STOX2: variants seen among roughly 807,000 people sequenced by gnomAD.
STOX2 encodes storkhead-box protein 2.
STOX2 carries 28 observed loss-of-function variants against 60.9 expected under a neutral mutation model. That is an observed-to-expected ratio of 0.46 (90% CI 0.34 to 0.63). The LOEUF (loss-of-function observed/expected upper bound fraction) is 0.63. STOX2 is among the 30% of genes least tolerant of loss of function. STOX2 has a pLI of 0.01. For missense variants in STOX2, 1,024 were observed against 1,187.7 expected (o/e 0.86, Z 2.03); for synonymous variants, 472 against 463.9 (o/e 1.02, Z -0.22).
At chr4:183,912,049 G>A (rs376058179) in intron 1 of STOX2, among the ~76,000 whole-genome samples, 42 of 152,232 alleles carry the variant, frequency 2.8e-4, no homozygotes, top group African/African-American at 9.9e-4. Flanking sequence ...ACATCAGAAG[G>A]CGTGTGCAAC....
chr4:183,906,930 A>C lies in STOX2; in HGVS notation c.140A>C (p.Gln47Pro). 1 of 1,548,678 alleles carries C rather than the reference A, an allele frequency of 6.5e-7. No homozygotes were observed. The highest frequency in any genetic ancestry group is 8.7e-7 in the Non-Finnish European group (1 of 1,145,194). The change falls in exon 1 of 4, where the codon CAG becomes CCG. Residue 47 changes from glutamine to proline, a missense_variant. Physicochemically the swap from Gln to Pro is moderately conservative, Grantham distance 76. Coordinates refer to ENST00000308497, the MANE Select transcript of STOX2 (RefSeq NM_020225.3). The stretch of plus-strand genomic sequence containing the variant: ...CGTTTCCCCGCGGCCTTCGCGCCCC[A>C]GGCTTCGCGGGGCTACATGACATCA... The part of the protein sequence containing the change: ...HKRFPAAFAP[Q>P]ASRGYMTSGD...
chr4:184,004,375 G>A (rs189630621), intron 2 of STOX2, among the ~76,000 whole-genome samples: 123 of 152,256 alleles, frequency 8.1e-4, no homozygotes, highest in African/African-American at 2.6e-3. Flanking sequence ...CGAGGCGGGC[G>A]GATCACGACG....
At chr4:183,961,759 A>G (rs1165528834) in intron 1 of STOX2, among the ~76,000 whole-genome samples, 2 of 152,208 alleles carry the variant, frequency 1.3e-5, no homozygotes, top group African/African-American at 2.4e-5. Flanking sequence ...ATGGCTTTGT[A>G]AAGAAAGACT....
chr4:183,950,685 G>GC (rs11428418), intron 1 of STOX2, among the ~76,000 whole-genome samples: 152,306 of 152,310 alleles, frequency 1, 76,151 homozygotes, highest in Middle Eastern at 1. Flanking sequence ...AGGCCGGGGA[G>GC]CCACAGAACT....
intron 1 of STOX2, among the ~76,000 whole-genome samples, chr4:183,993,261 C>T (rs534951716): frequency 4.6e-5 from 7 of 152,176 alleles, no homozygotes; most frequent in South Asian, 2.1e-4. Flanking sequence ...CGAAAGGTTG[C>T]GGACTGGGAG....
At position 183,906,765 on chromosome 4, in the gene STOX2, C is replaced by A; in HGVS notation, c.-26C>A. The A allele has an allele frequency of 1.3e-6, 2 of 1,499,010 alleles. No individual in the cohort carries two copies. The highest frequency in any genetic ancestry group is 1.8e-6 in the Non-Finnish European group (2 of 1,118,132). The allele number at this position is 1,499,010 out of a possible 1,614,324, so 92.9% of individuals were successfully genotyped here. A position where few individuals can be genotyped will look rare whatever the true frequency, so the allele number is the denominator to read the frequency against. ...GCCCCGGCGCTGAGGCCCCGAGGAT[C>A]GGGGCGGCAGGTCGCCCTCCCCACC... On this transcript the variant is annotated 5_prime_UTR_variant, in exon 1 of 4. Coordinates refer to ENST00000308497, the MANE Select transcript of STOX2 (RefSeq NM_020225.3).
At position 184,019,176 on chromosome 4, in the gene STOX2, T is replaced by G. The variant is rs961866415; in HGVS notation, c.*1892T>G. 2 of 152,234 alleles carry G rather than the reference T, an allele frequency of 1.3e-5. No individual in the cohort carries two copies. Among genetic ancestry groups the G allele is most frequent in the African/African-American group, 4.8e-5 (2 of 41,462 alleles). The allele number at this position is 152,234 out of a possible 1,614,324, so 9.4% of individuals were successfully genotyped here. On this transcript the variant is annotated 3_prime_UTR_variant, in exon 4 of 4. Coordinates refer to ENST00000308497, the MANE Select transcript of STOX2 (RefSeq NM_020225.3). ...GGTGTAAATTCCTTTTTTCTGCTTA[T>G]TATAGTGAAACTTCAGCATGTTTCT... is the stretch of plus-strand genomic sequence containing the variant.
At chr4:183,893,117 T>G (rs1741264474) in intron 1 of STOX2, among the ~76,000 whole-genome samples, 1 of 152,116 alleles carries the variant, frequency 6.6e-6, no homozygotes, top group Admixed American at 6.5e-5. Context: ...TTCTTTTTTT[T>G]TTTTTCCCCT....
chr4:183,867,227 C>T (rs190370185), intron 1 of STOX2, among the ~76,000 whole-genome samples: 34 of 152,324 alleles, frequency 2.2e-4, no homozygotes, highest in Admixed American at 5.2e-4. Context: ...CTCTACATCT[C>T]CATTTGCCGC....
rs1199359030 is a variant in STOX2 at position 183,806,567 on chromosome 4, C to T, written c.364+8512C>T. 6.6e-6 allele frequency among the ~76,000 whole-genome samples: 1 copy of T among 152,204 alleles called. No individual in the cohort carries two copies. Among genetic ancestry groups the T allele is most frequent in the Non-Finnish European group, 1.5e-5 (1 of 68,036 alleles). On this transcript the variant is annotated intron_variant, in intron 1 of 2. Transcript: ENST00000513034. This position sits in a 1 kb window ranked among gnomAD's most constrained non-coding sequence, Gnocchi z 4.1. Reference sequence around the variant, plus strand: ...TGGCTGGAAGGCTGGCTTCCCAGAGCAGTGACCCGCTGTGGCCTGCTTCCT... The same window carrying T: ...TGGCTGGAAGGCTGGCTTCCCAGAGTAGTGACCCGCTGTGGCCTGCTTCCT...
At chr4:183,953,649 T>C (rs1414313578) in intron 1 of STOX2, among the ~76,000 whole-genome samples, 1 of 147,982 alleles carries the variant, frequency 6.8e-6, no homozygotes, top group Non-Finnish European at 1.5e-5. Flanking sequence ...CACTGCAACC[T>C]CCGCCTCCCG....
At chr4:183,916,015 T>G (rs1290800510) in intron 1 of STOX2, among the ~76,000 whole-genome samples, 1 of 152,250 alleles carries the variant, frequency 6.6e-6, no homozygotes, top group Non-Finnish European at 1.5e-5. Flanking sequence ...GTGTAGGTAC[T>G]TTCCTGGCCT....
At chr4:183,992,776 A>G (rs566654247) in intron 1 of STOX2, among the ~76,000 whole-genome samples, 1 of 152,314 alleles carries the variant, frequency 6.6e-6, no homozygotes, top group East Asian at 1.9e-4. Context: ...GTAAGGTAGC[A>G]GGGCCTTGCC....
At chr4:183,932,783 C>T (rs1193094291) in intron 1 of STOX2, among the ~76,000 whole-genome samples, 3 of 152,210 alleles carry the variant, frequency 2.0e-5, no homozygotes, top group Non-Finnish European at 4.4e-5. Context: ...ACCCGACTTC[C>T]TACAACAACG....
rs1350231119 is a variant in STOX2, at chr4:184,011,627, T to C, written c.2585+204T>C. ...TTTCTGCACCTGTAGAGATCACCAA[T>C]CTGGACTGGTGGGTTGGCTCCTCCC... On this transcript the variant is annotated intron_variant, in intron 3 of 3. Coordinates refer to ENST00000308497, the MANE Select transcript of STOX2 (RefSeq NM_020225.3). The surrounding 1 kb of genome is among the most constrained non-coding windows in gnomAD (Gnocchi z 4.4). 6.6e-7 allele frequency: 1 copy of C among 1,517,140 alleles called. No homozygotes were observed. Among genetic ancestry groups the C allele is most frequent in the Non-Finnish European group, 8.8e-7 (1 of 1,136,250 alleles). 94.0% of individuals were successfully genotyped at this position (1,517,140 alleles called of 1,614,324 possible).
chr4:183,806,468 C>G lies in STOX2; in HGVS notation c.364+8413C>G, dbSNP rs1738892324. ...AAGGGGTGGAATCCAGTCTGGGGCGCCCCATCTTCCTGCCGCCTGAGGTTG... is the reference window on the plus strand; with the variant it reads ...AAGGGGTGGAATCCAGTCTGGGGCGGCCCATCTTCCTGCCGCCTGAGGTTG... On this transcript the variant is annotated intron_variant, in intron 1 of 2. Transcript: ENST00000513034. The surrounding 1 kb of genome is among the most constrained non-coding windows in gnomAD (Gnocchi z 4.1). Among the ~76,000 whole-genome samples the G allele has an allele frequency of 6.6e-6, 1 of 152,168 alleles. No homozygotes were observed. Among genetic ancestry groups the G allele is most frequent in the African/African-American group, 2.4e-5 (1 of 41,436 alleles).
intron 1 of STOX2, among the ~76,000 whole-genome samples, chr4:183,845,022 G>A (rs547349389): frequency 6.6e-6 from 1 of 152,334 alleles, no homozygotes; most frequent in East Asian, 1.9e-4. Context: ...GTCTCCCCAA[G>A]GCTGCCTGTA....
chr4:183,806,693 T>C lies in STOX2; in HGVS notation c.364+8638T>C, dbSNP rs1738897785. Among the ~76,000 whole-genome samples the C allele has an allele frequency of 6.6e-6, 1 of 152,104 alleles. No individual in the cohort carries two copies. Among genetic ancestry groups the C allele is most frequent in the Admixed American group, 6.5e-5 (1 of 15,276 alleles). On this transcript the variant is annotated intron_variant, in intron 1 of 2. Transcript: ENST00000513034. This position sits in a 1 kb window ranked among gnomAD's most constrained non-coding sequence, Gnocchi z 4.1. ...CCCGACCCCCACTTTCCCTCCAGGA[T>C]TTGGACTATTTTTTCTTTTCAAACC...
In STOX2 at chr4:184,019,913, G is replaced by C. The variant is rs1234623001; in HGVS notation, c.*2629G>C. 1.3e-5 allele frequency: 2 copies of C among 152,168 alleles called. No individual in the cohort carries two copies. Among genetic ancestry groups the C allele is most frequent in the African/African-American group, 2.4e-5 (1 of 41,434 alleles). The allele number at this position is 152,168 out of a possible 1,614,324, so 9.4% of individuals were successfully genotyped here. On this transcript the variant is annotated 3_prime_UTR_variant, in exon 4 of 4. Coordinates refer to ENST00000308497, the MANE Select transcript of STOX2 (RefSeq NM_020225.3). ...GCGTTGCCAGTATCCCTTTCCTCCT[G>C]TAAAATCATAGCTTTGTGTTACACG... is the stretch of plus-strand genomic sequence containing the variant.
Sources: gnomAD v4.1 joint callset for allele counts (sites outside exome capture counted in the v4.1 genomes callset) on GRCh38, gnomAD v4.1.1 for gene constraint, Gnocchi (gnomAD v3.1) non-coding constraint, MANE v1.5 for transcripts, NCBI Gene and HGNC (gene_info 2026-07-23, HGNC 2026-07-21) for gene names.